Variants in FOXP2 observed in about 807,000 individuals in gnomAD.
FOXP2 encodes the protein forkhead box P2.
Under a neutral mutation model 115.8 loss-of-function variants are expected in FOXP2, and 12 were observed. The observed-to-expected ratio is 0.10, with a 90% confidence interval of 0.07 to 0.17. The LOEUF (loss-of-function observed/expected upper bound fraction) is 0.17. FOXP2 is among the 10% of genes least tolerant of loss of function. The pLI is 1.00. For missense variants in FOXP2, 629 were observed against 843.5 expected, an observed-to-expected ratio of 0.75 and a Z score of 3.15; for synonymous variants, 328 against 297.7, an observed-to-expected ratio of 1.10 and a Z score of -1.05.
chr7:114,541,993 T>G (rs17313988), intron 3 of FOXP2, among the ~76,000 whole-genome samples: 12,811 of 152,000 alleles, frequency 0.084, 603 homozygotes, highest in Middle Eastern at 0.16. Context: ...TGAAGAACAG[T>G]GTCAGCACAT....
chr7:114,573,478 A>C (rs2129297271), intron 3 of FOXP2, among the ~76,000 whole-genome samples: 1 of 151,878 alleles, frequency 6.6e-6, no homozygotes, highest in Non-Finnish European at 1.5e-5. Flanking sequence ...GAGGTCAAAA[A>C]GATAGATGGG....
chr7:114,543,821 A>C (rs1334738907), intron 3 of FOXP2, among the ~76,000 whole-genome samples: 1 of 152,188 alleles, frequency 6.6e-6, no homozygotes, highest in South Asian at 2.1e-4. Context: ...AAATCTTGCC[A>C]TCTCTCATCT....
chr7:114,413,935 A>G (rs1240520179), upstream of FOXP2, among the ~76,000 whole-genome samples: 2 of 152,068 alleles, frequency 1.3e-5, no homozygotes, highest in Non-Finnish European at 2.9e-5. Flanking sequence ...TCCACTCACG[A>G]TGGTGTTCAG....
At chr7:114,619,152 C>A (rs1804103104) in intron 3 of FOXP2, among the ~76,000 whole-genome samples, 1 of 152,070 alleles carries the variant, frequency 6.6e-6, no homozygotes, top group East Asian at 1.9e-4. Context: ...TCATTAATAC[C>A]TTTTAAAATC....
chr7:114,411,081 T>C (rs1187847977), upstream of FOXP2, among the ~76,000 whole-genome samples: 1 of 152,058 alleles, frequency 6.6e-6, no homozygotes, highest in East Asian at 1.9e-4. Context: ...AAAAGACACA[T>C]GAGTAAGGTA....
At chr7:114,286,740 T>C (rs1046362470) in intron 1 of FOXP2, among the ~76,000 whole-genome samples, 60 of 152,018 alleles carry the variant, frequency 3.9e-4, no homozygotes, top group African/African-American at 1.4e-3. Context: ...ATACTTACAA[T>C]TCACTAAACA....
At chr7:114,585,478 C>T (rs1802087045) in intron 3 of FOXP2, among the ~76,000 whole-genome samples, 1 of 151,892 alleles carries the variant, frequency 6.6e-6, no homozygotes, top group Admixed American at 6.6e-5. Context: ...CCCCACCACA[C>T]ACCTACTGAA....
At chr7:114,199,095 C>G (rs1165111622) in intron 1 of FOXP2, among the ~76,000 whole-genome samples, 1 of 152,188 alleles carries the variant, frequency 6.6e-6, no homozygotes, top group Non-Finnish European at 1.5e-5. Flanking sequence ...CTAGCTCACT[C>G]AGCCTCAAAT....
intron 1 of FOXP2, among the ~76,000 whole-genome samples, chr7:114,156,038 T>C (rs1043705295): frequency 1.3e-5 from 2 of 152,078 alleles, no homozygotes; most frequent in African/African-American, 4.8e-5. Flanking sequence ...GAGGCGTTCT[T>C]CCCTTACCAG....
rs967792629 is a variant in FOXP2, at chr7:114,494,062, G to C, written c.169-40555G>C. On this transcript the variant is annotated intron_variant, in intron 2 of 16. Transcript: ENST00000350908. Reference sequence around the variant, plus strand: ...TCTGAATACCAGAGGATTATTTTTAGACAATTAGAGGTAACTTTTTAATTA... The same window carrying C: ...TCTGAATACCAGAGGATTATTTTTACACAATTAGAGGTAACTTTTTAATTA... Among the ~76,000 whole-genome samples, 4 of 151,986 alleles carry C rather than the reference G, an allele frequency of 2.6e-5. No individual in the cohort carries two copies. The East Asian group carries it at 7.7e-4, about 29-fold the overall frequency.
intron 1 of FOXP2, among the ~76,000 whole-genome samples, chr7:114,130,486 G>GA (rs1273964351): frequency 3.3e-5 from 5 of 152,066 alleles, no homozygotes; most frequent in Non-Finnish European, 5.9e-5. Flanking sequence ...ACAGAATTAG[G>GA]AAAAAGAAAG....
chr7:114,411,824 C>G (rs1216801064), upstream of FOXP2, among the ~76,000 whole-genome samples: 2 of 152,068 alleles, frequency 1.3e-5, no homozygotes, highest in Admixed American at 1.3e-4. Flanking sequence ...CTGATCATAT[C>G]CAGTGTGGGG....
chr7:114,389,127 A>G (rs928713061), intron 2 of FOXP2, among the ~76,000 whole-genome samples: 1 of 152,232 alleles, frequency 6.6e-6, no homozygotes, highest in African/African-American at 2.4e-5. Context: ...CCTTCATATC[A>G]TAGGTATAGT....
At chr7:114,199,122 T>A (rs960297504) in intron 1 of FOXP2, among the ~76,000 whole-genome samples, 4 of 152,198 alleles carry the variant, frequency 2.6e-5, no homozygotes, top group Non-Finnish European at 4.4e-5. Context: ...GCTAAGGAGA[T>A]TCTTCTGCCT....
rs139649711 is a variant in FOXP2, at chr7:114,654,017, C to T, written c.1266+8C>T. On this transcript the variant is annotated splice_region_variant and intron_variant, in intron 10 of 16. Coordinates refer to ENST00000350908, the MANE Select transcript of FOXP2 (RefSeq NM_014491.4). ...AAACCATCTCCCAAACCTGTAAGTG[C>T]ATATTGCTTTATAAACAGTAAATAG... 2.6e-4 allele frequency: 413 copies of T among 1,613,182 alleles called. No homozygotes were observed. The highest frequency in any genetic ancestry group is 3.3e-4 in the Non-Finnish European group (386 of 1,179,344).
At chr7:114,186,459 C>G (rs1385809426) in intron 1 of FOXP2, among the ~76,000 whole-genome samples, 1 of 152,186 alleles carries the variant, frequency 6.6e-6, no homozygotes, top group Non-Finnish European at 1.5e-5. Context: ...TGTTAAAGCT[C>G]CAGAATAATC....
intron 3 of FOXP2, among the ~76,000 whole-genome samples, chr7:114,587,453 G>A (rs1391671958): frequency 6.6e-6 from 1 of 151,974 alleles, no homozygotes; most frequent in Non-Finnish European, 1.5e-5. Context: ...CTTTTTTATG[G>A]CTGCATAGTA....
chr7:114,295,558 T>C (rs1796722912), intron 2 of FOXP2, among the ~76,000 whole-genome samples: 1 of 152,234 alleles, frequency 6.6e-6, no homozygotes, highest in African/African-American at 2.4e-5. Flanking sequence ...CCCTATATGA[T>C]ATCCAAGGGA....
At chr7:114,485,251 T>C (rs985180378) in intron 2 of FOXP2, among the ~76,000 whole-genome samples, 4 of 151,988 alleles carry the variant, frequency 2.6e-5, no homozygotes, top group African/African-American at 9.6e-5. Context: ...CTCACCTACG[T>C]ATGGTTTAAA....
Sources: gnomAD v4.1 joint callset for allele counts (sites outside exome capture counted in the v4.1 genomes callset) on GRCh38, gnomAD v4.1.1 for gene constraint, MANE v1.5 for transcripts, NCBI Gene and HGNC (gene_info 2026-07-23, HGNC 2026-07-21) for gene names.